The following DCC variants were observed in gnomAD, a reference collection of about 807,000 sequenced individuals.
DCC encodes the protein netrin receptor DCC.
A neutral mutation model predicts 172.5 loss-of-function variants in DCC; 58 were observed. The ratio of observed to expected loss-of-function variants is 0.34; its 90% CI spans 0.27 to 0.42. The LOEUF is 0.42. Among genes scored for constraint, DCC ranks in the 10% least tolerant of loss-of-function variants. The pLI is 1.00. For missense variants in DCC, 1,740 were observed against 1,791.0 expected (o/e 0.97, Z 0.51); for synonymous variants, 709 against 644.5 (o/e 1.10, Z -1.52).
intron 1 of DCC, among the ~76,000 whole-genome samples, chr18:52,466,649 C>T (rs1026158481): frequency 2.0e-5 from 3 of 152,000 alleles, no homozygotes; most frequent in Admixed American, 6.6e-5. Context: ...ATTGGCTATT[C>T]GACCAAAATA....
intron 1 of DCC, among the ~76,000 whole-genome samples, chr18:52,365,547 C>T (rs535084127): frequency 6.6e-5 from 10 of 151,498 alleles, no homozygotes; most frequent in Admixed American, 5.3e-4. Context: ...GTCTGAGGTA[C>T]GAGGGGAGAG....
At chr18:53,386,392 T>G (rs2144996310) in intron 16 of DCC, among the ~76,000 whole-genome samples, 1 of 152,298 alleles carries the variant, frequency 6.6e-6, no homozygotes, top group African/African-American at 2.4e-5. Context: ...GCACATGGAC[T>G]TAGAGAATAT....
intron 5 of DCC, among the ~76,000 whole-genome samples, chr18:52,996,333 G>A (rs1044807092): frequency 1.3e-5 from 2 of 151,934 alleles, no homozygotes; most frequent in African/African-American, 2.4e-5. Flanking sequence ...TTGCATGTCT[G>A]AGGAAAAGCT....
At chr18:52,973,043 C>G (rs573744695) in intron 5 of DCC, among the ~76,000 whole-genome samples, 1 of 152,220 alleles carries the variant, frequency 6.6e-6, no homozygotes, top group Admixed American at 6.5e-5. Context: ...TTCGACAGAC[C>G]ACTTAACCAG....
intron 1 of DCC, among the ~76,000 whole-genome samples, chr18:52,497,280 A>AAAAAAAAT (rs1555689730): frequency 3.2e-4 from 7 of 21,562 alleles, no homozygotes; most frequent in Non-Finnish European, 4.2e-4. Flanking sequence ...AAAAAAAAAA[A>AAAAAAAAT]ATATATATAT....
At chr18:53,425,694 A>G (rs1380015845) in intron 21 of DCC, among the ~76,000 whole-genome samples, 1 of 152,184 alleles carries the variant, frequency 6.6e-6, no homozygotes, top group African/African-American at 2.4e-5. Context: ...TTATTCACCT[A>G]TAATGCTAAA....
chr18:53,157,482 C>A lies in DCC; in HGVS notation c.1388C>A (p.Thr463Lys). The part of the protein sequence containing the change: ...AEAKGNIQTF[T>K]VFFSREGDNR... ...GCGAAAGGGAACATTCAAACTTTCA[C>A]GGTCTTTTTCTCCAGAGAAGGTGAC... The change falls in exon 8 of 29, where the codon ACG (threonine) becomes AAG (lysine). Residue 463 changes from threonine to lysine, a missense_variant. By Grantham distance (78) the Thr-to-Lys change is moderately conservative. This residue lies in a region of DCC where 1,732 missense variants were observed against 1,767.4 expected (regional missense o/e 0.98). Coordinates refer to ENST00000442544, the MANE Select transcript of DCC (RefSeq NM_005215.4). 6.2e-7 allele frequency: 1 copy of A among 1,614,114 alleles called. No homozygotes were observed. Among genetic ancestry groups the A allele is most frequent in the Non-Finnish European group, 8.5e-7 (1 of 1,179,992 alleles).
At chr18:53,509,246 A>AAAAC (rs1353527248) in intron 27 of DCC, among the ~76,000 whole-genome samples, 1 of 152,250 alleles carries the variant, frequency 6.6e-6, no homozygotes, top group Non-Finnish European at 1.5e-5. Context: ...GAGCACATGT[A>AAAAC]AAACACTACT....
chr18:52,419,832 T>G (rs1987184708), intron 1 of DCC, among the ~76,000 whole-genome samples: 1 of 152,180 alleles, frequency 6.6e-6, no homozygotes, highest in African/African-American at 2.4e-5. Context: ...TAAATACATA[T>G]ATGGGAATTA....
intron 2 of DCC, among the ~76,000 whole-genome samples, chr18:52,863,427 T>C (rs2039174693): frequency 6.6e-6 from 1 of 151,800 alleles, no homozygotes; most frequent in African/African-American, 2.4e-5. Flanking sequence ...AAGCTTTCTA[T>C]AGAACAATTT....
chr18:52,843,601 T>G lies in DCC; in HGVS notation c.413-62443T>G, dbSNP rs572667085. Among the ~76,000 whole-genome samples, 8 of 152,354 alleles carry G rather than the reference T, an allele frequency of 5.3e-5. No individual in the cohort carries two copies. The South Asian group carries it at 1.4e-3, about 28-fold the overall frequency. On this transcript the variant is annotated intron_variant, in intron 2 of 28. Transcript: ENST00000442544. ...TCTTAATGCCTTAAACCCCGTTGTT[T>G]CCTTTCAAACATAATTTTGTATTTT... is the stretch of plus-strand genomic sequence containing the variant.
At chr18:53,436,468 A>G (rs1911946859) in intron 22 of DCC, among the ~76,000 whole-genome samples, 1 of 152,216 alleles carries the variant, frequency 6.6e-6, no homozygotes, top group Non-Finnish European at 1.5e-5. Flanking sequence ...AGTTTGCTGC[A>G]TGTGAAATAG....
At chr18:52,543,006 G>A (rs550568309) in intron 1 of DCC, among the ~76,000 whole-genome samples, 12 of 152,194 alleles carry the variant, frequency 7.9e-5, no homozygotes, top group African/African-American at 2.7e-4. Flanking sequence ...CAAACTAGAG[G>A]TTAAGATGAG....
chr18:53,320,055 C>T lies in DCC; in HGVS notation c.2054-1992C>T, dbSNP rs112728649. Among the ~76,000 whole-genome samples, 842 of 144,426 alleles carry T rather than the reference C, an allele frequency of 5.8e-3. 8 individuals carry two copies. Among genetic ancestry groups the T allele is most frequent in the African/African-American group, 0.021 (800 of 38,938 alleles). 94.7% of individuals were successfully genotyped at this position (144,426 alleles called of 152,430 possible). ...AAAGAAAAATGAAGTTAAACTTCTA[C>T]ATAACGCAAGAGTACTTTTTTTTTT... On this transcript the variant is annotated intron_variant, in intron 13 of 28. Coordinates refer to ENST00000442544, the MANE Select transcript of DCC (RefSeq NM_005215.4).
intron 4 of DCC, among the ~76,000 whole-genome samples, chr18:52,924,234 G>T (rs1442096742): frequency 6.6e-6 from 1 of 152,032 alleles, no homozygotes; most frequent in Non-Finnish European, 1.5e-5. Context: ...TATGTGAAGT[G>T]ATATGATCAT....
intron 5 of DCC, chr18:52,931,957 A>C (rs1180674233): frequency 6.6e-6 from 1 of 152,084 alleles, no homozygotes; most frequent in Non-Finnish European, 1.5e-5. Flanking sequence ...TAAAAAAAGA[A>C]AAAACGAAAA....
intron 5 of DCC, among the ~76,000 whole-genome samples, chr18:52,930,392 A>G (rs1034667335): frequency 2.6e-5 from 4 of 152,144 alleles, no homozygotes; most frequent in African/African-American, 9.7e-5. Context: ...TAGGAGCTCT[A>G]GTCCATCCTG....
intron 2 of DCC, among the ~76,000 whole-genome samples, chr18:52,901,795 A>G (rs1417121117): frequency 6.6e-6 from 1 of 152,220 alleles, no homozygotes; most frequent in Non-Finnish European, 1.5e-5. Flanking sequence ...ACCTCAGCCA[A>G]TGTTTTGTAT....
chr18:52,505,133 G>A (rs544930319), intron 1 of DCC, among the ~76,000 whole-genome samples: 3 of 152,244 alleles, frequency 2.0e-5, no homozygotes, highest in Admixed American at 2.0e-4. Flanking sequence ...GCTGTAAGAG[G>A]CAAACCTGTG....
Sources: gnomAD v4.1 joint callset for allele counts (sites outside exome capture counted in the v4.1 genomes callset) on GRCh38, gnomAD v4.1.1 for gene constraint, gnomAD v4.1.1 regional missense constraint, MANE v1.5 for transcripts, NCBI Gene and HGNC (gene_info 2026-07-23, HGNC 2026-07-21) for gene names.